Variants in EYS observed in about 807,000 individuals in gnomAD.
The protein encoded by EYS is EGF-like photoreceptor maintenance factor.
In EYS, 250 loss-of-function variants were observed where a neutral mutation model predicts 282.1. The observed-to-expected ratio is 0.89, with a 90% CI of 0.80 to 0.98. The LOEUF (loss-of-function observed/expected upper bound fraction) is 0.98, where lower values mean the gene tolerates loss of function less well. EYS is among the 50% of genes least tolerant of loss of function. The pLI, the probability that EYS is intolerant of heterozygous loss-of-function variation, is 0.00. For synonymous variants in EYS, 1,355 were observed against 1,282.9 expected, an observed-to-expected ratio of 1.06 and a Z score of -1.20; for missense variants, 4,016 against 3,709.0, an observed-to-expected ratio of 1.08 and a Z score of -2.15.
intron 22 of EYS, among the ~76,000 whole-genome samples, chr6:64,633,756 A>G (rs577431412): frequency 1.3e-5 from 2 of 152,194 alleles, no homozygotes; most frequent in East Asian, 3.9e-4. Context: ...AAACTCATGT[A>G]TCACTATAAA....
At chr6:64,918,237 A>C (rs1768225566) in intron 15 of EYS, among the ~76,000 whole-genome samples, 2 of 152,174 alleles carry the variant, frequency 1.3e-5, no homozygotes, top group Admixed American at 1.3e-4. Flanking sequence ...AATAGAATAC[A>C]AAATTAAGGA....
intron 14 of EYS, among the ~76,000 whole-genome samples, chr6:64,991,112 C>T (rs867400918): frequency 2.0e-5 from 3 of 151,422 alleles, no homozygotes; most frequent in South Asian, 4.1e-4. Flanking sequence ...AAAAGAATTC[C>T]ATAATCTAGT....
chr6:65,281,619 C>A (rs115251733), intron 12 of EYS, among the ~76,000 whole-genome samples: 3,877 of 152,204 alleles, frequency 0.025, 151 homozygotes, highest in African/African-American at 0.085. Context: ...TATGTCAGTA[C>A]TTTACTTGAA....
rs747943320 is a variant in EYS at position 64,964,870 on chromosome 6, T to C, written c.2260-18956A>G. Among the ~76,000 whole-genome samples, 7 of 151,910 alleles carry C rather than the reference T, an allele frequency of 4.6e-5. No homozygotes were observed. The East Asian group carries it at 1.2e-3, about 25-fold the overall frequency. ...AACATGGTGAAATCCCCATCTCTACTAAAAATACAAAAGTTAGCCAGGTGT... is the reference window on the plus strand; with the variant it reads ...AACATGGTGAAATCCCCATCTCTACCAAAAATACAAAAGTTAGCCAGGTGT... On this transcript the variant is annotated intron_variant, in intron 14 of 42. Transcript: ENST00000503581.
intron 5 of EYS, among the ~76,000 whole-genome samples, chr6:65,473,184 A>C (rs1297941078): frequency 6.6e-6 from 1 of 152,016 alleles, no homozygotes; most frequent in East Asian, 1.9e-4. Context: ...AAACTAGAGA[A>C]AAAGGTAAGG....
intron 11 of EYS, among the ~76,000 whole-genome samples, chr6:65,333,747 A>T (rs1769880628): frequency 1.3e-5 from 2 of 151,682 alleles, no homozygotes. Context: ...ATATACACAC[A>T]CATATATGTT....
intron 2 of EYS, among the ~76,000 whole-genome samples, chr6:65,517,128 C>A (rs1767164598): frequency 6.6e-6 from 1 of 151,816 alleles, no homozygotes. Context: ...AATACTTGCT[C>A]TTGGAACATG....
intron 28 of EYS, among the ~76,000 whole-genome samples, chr6:64,413,572 A>T (rs1196851306): frequency 7.2e-6 from 1 of 138,110 alleles, no homozygotes; most frequent in East Asian, 2.5e-4. Flanking sequence ...AACCCAAAAA[A>T]AAACCTCCCC....
At chr6:64,168,834 C>G (rs1309542270) in intron 31 of EYS, among the ~76,000 whole-genome samples, 2 of 152,006 alleles carry the variant, frequency 1.3e-5, no homozygotes, top group South Asian at 4.1e-4. Context: ...GATATTTGCA[C>G]AAGGCAGTAA....
chr6:65,193,184 A>G (rs913185864), intron 12 of EYS, among the ~76,000 whole-genome samples: 1 of 151,844 alleles, frequency 6.6e-6, no homozygotes, highest in African/African-American at 2.4e-5. Flanking sequence ...CAACAATTCA[A>G]TGAGGTAGTT....
chr6:65,100,058 C>A (rs1774849272), intron 12 of EYS, among the ~76,000 whole-genome samples: 1 of 150,806 alleles, frequency 6.6e-6, no homozygotes, highest in Non-Finnish European at 1.5e-5. Flanking sequence ...AGAGAAGATA[C>A]TTTAGATTTA....
chr6:63,815,689 AG>A (rs1771160674), intron 36 of EYS, among the ~76,000 whole-genome samples: 2 of 152,236 alleles, frequency 1.3e-5, no homozygotes, highest in South Asian at 4.1e-4. Flanking sequence ...AAGTTTTAAT[AG>A]AAGCTCAATT....
At chr6:64,487,421 C>A (rs2150503588) in intron 26 of EYS, among the ~76,000 whole-genome samples, 2 of 150,946 alleles carry the variant, frequency 1.3e-5, no homozygotes, top group Non-Finnish European at 1.5e-5. Context: ...AAAACTAAAA[C>A]CATATCTAAT....
chr6:64,043,788 T>C (rs1172263014), intron 33 of EYS, among the ~76,000 whole-genome samples: 2 of 152,238 alleles, frequency 1.3e-5, no homozygotes, highest in African/African-American at 2.4e-5. Context: ...GGCTTTGTTC[T>C]GTGTGGTAAC....
chr6:64,173,992 T>G (rs1427191088), intron 31 of EYS, among the ~76,000 whole-genome samples: 1 of 152,128 alleles, frequency 6.6e-6, no homozygotes, highest in South Asian at 2.1e-4. Flanking sequence ...TTTACCTTAA[T>G]AAGGAAGGAA....
At chr6:64,412,395 G>A (rs1374576325) in intron 28 of EYS, among the ~76,000 whole-genome samples, 1 of 152,074 alleles carries the variant, frequency 6.6e-6, no homozygotes, top group African/African-American at 2.4e-5. Context: ...AATTTAGACT[G>A]AGGAGATCTT....
intron 1 of EYS, among the ~76,000 whole-genome samples, chr6:65,668,923 C>T (rs762913705): frequency 2.5e-4 from 38 of 151,998 alleles, no homozygotes; most frequent in Non-Finnish European, 4.1e-4. Context: ...ACTGCCACTG[C>T]TAACTAATTT....
intron 29 of EYS, among the ~76,000 whole-genome samples, chr6:64,340,282 A>C (rs1051133161): frequency 6.6e-6 from 1 of 151,828 alleles, no homozygotes; most frequent in Admixed American, 6.6e-5. Context: ...TAAGCAAAAA[A>C]ATGAAGCCAG....
At position 64,643,112 on chromosome 6, in the gene EYS, T is replaced by TCCC. The variant is rs34581754; in HGVS notation, c.3444-16870_3444-16868dup. Among the ~76,000 whole-genome samples the TCCC allele has an allele frequency of 1.7e-3, 247 of 143,616 alleles. 1 individual carries two copies. The highest frequency in any genetic ancestry group is 4.7e-3 in the Admixed American group (67 of 14,194). The allele number at this position is 143,616 out of a possible 152,430, so 94.2% of individuals were successfully genotyped here. A position where few individuals can be genotyped will look rare whatever the true frequency, so the allele number is the denominator to read the frequency against. ...CCTGGGCAACAAGAGTGAAACTCCA[T>TCCC]CCCCCCCCCCAAAAAAAAACAACAC... On this transcript the variant is annotated intron_variant, in intron 22 of 42. Transcript: ENST00000503581.
Sources: allele counts gnomAD v4.1 joint callset (sites outside exome capture counted in the v4.1 genomes callset), GRCh38; gene constraint gnomAD v4.1.1; transcripts MANE v1.5; gene names NCBI Gene and HGNC (gene_info 2026-07-23, HGNC 2026-07-21).